Variants in CEP120 observed in about 807,000 individuals in gnomAD.
CEP120 encodes the protein centrosomal protein of 120 kDa.
CEP120 carries 113 observed loss-of-function variants against 126.5 expected under a neutral mutation model. The observed-to-expected ratio is 0.89, with a 90% CI of 0.77 to 1.04. The LOEUF (loss-of-function observed/expected upper bound fraction) is 1.04, where lower values mean the gene tolerates loss of function less well. CEP120 is among the 50% of genes least tolerant of loss of function. The pLI is 0.00. For missense variants in CEP120, 1,230 were observed against 1,155.7 expected (o/e 1.06, Z -0.93); for synonymous variants, 400 against 394.3 (o/e 1.01, Z -0.17).
chr5:123,367,658 A>C (rs541389302), intron 17 of CEP120, among the ~76,000 whole-genome samples: 1 of 152,008 alleles, frequency 6.6e-6, no homozygotes, highest in Non-Finnish European at 1.5e-5. Context: ...CTAAAAGTGG[A>C]AACACCTCTG....
At chr5:123,379,499 A>G (rs1771495626) in intron 14 of CEP120, among the ~76,000 whole-genome samples, 1 of 152,086 alleles carries the variant, frequency 6.6e-6, no homozygotes. Context: ...AACACAGAAA[A>G]TGATTTAATT....
intron 5 of CEP120, among the ~76,000 whole-genome samples, chr5:123,394,410 T>G (rs1202746694): frequency 1.3e-5 from 2 of 152,172 alleles, no homozygotes; most frequent in East Asian, 3.9e-4. Flanking sequence ...CTAGATCCCT[T>G]ACATGTGTAG....
Position 123,346,466 on chromosome 5 carries a change from C to T in CEP120, c.*53G>A. On this transcript the variant is annotated 3_prime_UTR_variant, in exon 20 of 20. Coordinates refer to ENST00000306467, the MANE Select transcript of CEP120 (RefSeq NM_001375405.1). ...ATTTTCCTCACTTTTGAGGTTTTTACAAAGAAATTAAAATTTAGACTTAGA... is the reference window on the plus strand; with the variant it reads ...ATTTTCCTCACTTTTGAGGTTTTTATAAAGAAATTAAAATTTAGACTTAGA... The T allele has an allele frequency of 7.3e-7, 1 of 1,368,192 alleles. No homozygotes were observed. Among genetic ancestry groups the T allele is most frequent in the African/African-American group, 1.5e-5 (1 of 68,652 alleles). 84.8% of individuals were successfully genotyped at this position (1,368,192 alleles called of 1,614,324 possible). A position where few individuals can be genotyped will look rare whatever the true frequency, so the allele number is the denominator to read the frequency against.
At chr5:123,367,539 C>G (rs980040026) in intron 17 of CEP120, among the ~76,000 whole-genome samples, 1 of 151,806 alleles carries the variant, frequency 6.6e-6, no homozygotes, top group South Asian at 2.1e-4. Context: ...ATTTTCCGAA[C>G]AGCGATGCTG....
intron 18 of CEP120, among the ~76,000 whole-genome samples, chr5:123,351,725 C>T (rs1769211161): frequency 6.6e-6 from 1 of 152,030 alleles, no homozygotes; most frequent in African/African-American, 2.4e-5. Flanking sequence ...TATACACAGC[C>T]TGAAAGTAAT....
At chr5:123,421,811 AC>A (rs1309538282) in intron 1 of CEP120, among the ~76,000 whole-genome samples, 1 of 152,198 alleles carries the variant, frequency 6.6e-6, no homozygotes, top group African/African-American at 2.4e-5. Flanking sequence ...ATGTTTTTAA[AC>A]AATAAGTAAA....
chr5:123,401,362 C>A (rs1166930021), intron 4 of CEP120: 2 of 1,573,218 alleles, frequency 1.3e-6, no homozygotes, highest in East Asian at 2.2e-5. Flanking sequence ...GGAAAGCCCT[C>A]TGGCCTTTGA....
At chr5:123,413,840 A>T (rs561201756) in intron 3 of CEP120, among the ~76,000 whole-genome samples, 47 of 152,348 alleles carry the variant, frequency 3.1e-4, no homozygotes, top group South Asian at 2.9e-3. Flanking sequence ...TTTTGAATAT[A>T]AGCCTGAAAG....
Position 123,390,559 on chromosome 5 carries a change from A to G in CEP120, c.1039-419T>C, listed in dbSNP as rs961461086. On this transcript the variant is annotated intron_variant, in intron 7 of 19. Transcript: ENST00000306467. ...ATGTATATGTATCTTTTAAACACTC[A>G]TTTCGGTTCTTCTATCTTTAATTCA... Among the ~76,000 whole-genome samples the G allele has an allele frequency of 5.9e-5, 9 of 152,244 alleles. 1 individual carries two copies. The highest frequency in any genetic ancestry group is 2.2e-4 in the African/African-American group (9 of 41,548).
chr5:123,407,219 G>T (rs1014803834), intron 4 of CEP120, among the ~76,000 whole-genome samples: 14 of 151,564 alleles, frequency 9.2e-5, no homozygotes, highest in African/African-American at 3.1e-4. Flanking sequence ...AGAAACAAGA[G>T]AAACAAATAT....
At chr5:123,389,765 G>A (rs530005120) in intron 8 of CEP120, among the ~76,000 whole-genome samples, 159 bp downstream of exon 8, 1 of 152,170 alleles carries the variant, frequency 6.6e-6, no homozygotes, top group Non-Finnish European at 1.5e-5. Context: ...CTTCCAAAGT[G>A]CTGGGATTAC....
chr5:123,408,566 C>T (rs1773846639), intron 4 of CEP120, among the ~76,000 whole-genome samples: 1 of 151,970 alleles, frequency 6.6e-6, no homozygotes, highest in Non-Finnish European at 1.5e-5. Context: ...AAAACTCATA[C>T]AAGAGTAAAT....
chr5:123,399,306 T>TA, intron 4 of CEP120, 22 bp from the exon 5 acceptor site: 1 of 1,609,668 alleles, frequency 6.2e-7, no homozygotes, highest in Non-Finnish European at 8.5e-7. Context: ...AAAACACGAT[T>TA]AAACTACATT....
At chr5:123,386,103 C>T (rs1772003177) in intron 10 of CEP120, among the ~76,000 whole-genome samples, 1 of 152,036 alleles carries the variant, frequency 6.6e-6, no homozygotes, top group Non-Finnish European at 1.5e-5. Context: ...GTCAGATTAA[C>T]ATCTCTAGTT....
chr5:123,388,462 TC>T lies in CEP120; in HGVS notation c.1399del (p.Glu467ArgfsTer10). On this transcript the variant is annotated frameshift_variant, in exon 9 of 20. Transcript: ENST00000306467. LOFTEE classifies it high-confidence loss of function. ...TATACAGTTGATTGGAAAACCAATC[TC>T]CAAGGCATGTATACTCCTTAAGTCT... ...SIDLRSIHAL[E>X]IGFPINCILR... 6.4e-7 allele frequency: 1 copy of T among 1,565,342 alleles called. No homozygotes were observed. Among genetic ancestry groups the T allele is most frequent in the South Asian group, 1.2e-5 (1 of 82,334 alleles).
intron 4 of CEP120, chr5:123,403,307 G>C (rs1166451372): frequency 4.4e-6 from 2 of 456,150 alleles, no homozygotes; most frequent in South Asian, 3.1e-5. Flanking sequence ...AGCTGAGACA[G>C]AGTAAGCACA....
chr5:123,382,183 C>T lies in CEP120; in HGVS notation c.2031G>A (p.Leu677=). 7.5e-6 allele frequency: 12 copies of T among 1,605,342 alleles called. No individual in the cohort carries two copies. The highest frequency in any genetic ancestry group is 1.0e-5 in the Non-Finnish European group (12 of 1,175,978). The part of the protein sequence containing the change: ...IFENQLKQKE[L]AHMQALAEEW... ...CCTCTGCAAGAGCCTGCATATGAGC[C>T]AGTTCTTTCTGCTTCAGCTACAAAA... The change falls in exon 14 of 20, where the codon CTG becomes CTA. Residue 677 remains leucine (L), a synonymous_variant. Coordinates refer to ENST00000306467, the MANE Select transcript of CEP120 (RefSeq NM_001375405.1).
chr5:123,419,089 A>AT (rs1027933835), intron 1 of CEP120, among the ~76,000 whole-genome samples: 17 of 152,176 alleles, frequency 1.1e-4, no homozygotes, highest in Admixed American at 1.0e-3. Context: ...TAAAATGTAG[A>AT]TTTTGACTCA....
rs1456591395 is a variant in CEP120 at position 123,358,165 on chromosome 5, G to C, written c.2580+6331C>G. ...CATACAAAACTAAGCAATGTTGTTT[G>C]CAAAAAGACTTTTAATATATCTTAT... On this transcript the variant is annotated intron_variant, in intron 18 of 19. Transcript: ENST00000306467. 2 of 151,796 alleles carry C rather than the reference G, an allele frequency of 1.3e-5. 1 individual carries two copies. The highest frequency in any genetic ancestry group is 2.9e-5 in the Non-Finnish European group (2 of 67,968). 9.4% of individuals were successfully genotyped at this position (151,796 alleles called of 1,614,324 possible).
Sources: gnomAD v4.1 joint callset for allele counts (sites outside exome capture counted in the v4.1 genomes callset) on GRCh38, gnomAD v4.1.1 for gene constraint, MANE v1.5 for transcripts, NCBI Gene and HGNC (gene_info 2026-07-23, HGNC 2026-07-21) for gene names.